The following IL1RAPL1 variants were observed in gnomAD, a reference collection of about 807,000 sequenced individuals.
IL1RAPL1 encodes the protein interleukin 1 receptor accessory protein like 1.
In IL1RAPL1, 3 loss-of-function variants were observed where a neutral mutation model predicts 48.4. That is an observed-to-expected ratio of 0.06 (90% CI 0.03 to 0.16). The LOEUF (loss-of-function observed/expected upper bound fraction) is 0.16, where lower values mean the gene tolerates loss of function less well. Ranked by LOEUF, IL1RAPL1 falls within the 10% of genes least tolerant of loss-of-function variation. The pLI is 1.00. For missense variants in IL1RAPL1, 349 were observed against 530.6 expected, an observed-to-expected ratio of 0.66 and a Z score of 3.36; for synonymous variants, 185 against 187.7, an observed-to-expected ratio of 0.99 and a Z score of 0.12.
At position 29,296,997 on chromosome X, in the gene IL1RAPL1, A is replaced by T. The variant is rs1932459525; in HGVS notation, c.362+13780A>T. On this transcript the variant is annotated intron_variant, in intron 3 of 10. Coordinates refer to ENST00000378993, the MANE Select transcript of IL1RAPL1 (RefSeq NM_014271.4). The stretch of plus-strand genomic sequence containing the variant: ...CAAAATCTGAGGTTATAAAATAAAG[A>T]CTTAAATGAGCATTTCACTGATTTC... Among the ~76,000 whole-genome samples the T allele has an allele frequency of 2.7e-5, 3 of 111,487 alleles. No homozygotes were observed. In the Admixed American group the frequency reaches 2.9e-4, roughly 11 times the overall value.
intron 2 of IL1RAPL1, chrX:28,942,141 G>A (rs1158693946): frequency 2.7e-5 from 3 of 109,681 alleles, no homozygotes; most frequent in Admixed American, 9.8e-5. Context: ...AATTGCCATC[G>A]GGAAGTACTG....
At chrX:28,913,103 C>G (rs1923399704) in intron 2 of IL1RAPL1, among the ~76,000 whole-genome samples, 1 of 111,389 alleles carries the variant, frequency 9.0e-6, no homozygotes, top group African/African-American at 3.3e-5. Context: ...ATGGGAGGTC[C>G]TAATGAGCAA....
intron 3 of IL1RAPL1, among the ~76,000 whole-genome samples, chrX:29,391,034 C>T (rs1016639603): frequency 7.2e-5 from 8 of 110,587 alleles, no homozygotes; most frequent in East Asian, 2.8e-4. Context: ...ATTAGCCTGG[C>T]GTGGTAGCAT....
At chrX:29,701,932 A>C (rs1036868915) in intron 6 of IL1RAPL1, among the ~76,000 whole-genome samples, 1 of 111,834 alleles carries the variant, frequency 8.9e-6, no homozygotes, top group Non-Finnish European at 1.9e-5. Context: ...TGTGAGCCAC[A>C]GGGAAAAAAA....
At chrX:29,080,404 TAAAAAC>T (rs1927775900) in intron 2 of IL1RAPL1, among the ~76,000 whole-genome samples, 1 of 108,997 alleles carries the variant, frequency 9.2e-6, no homozygotes, top group South Asian at 4.0e-4. Flanking sequence ...TAAACAAAAA[TAAAAAC>T]AAAAAAATAA....
At chrX:28,868,631 C>T (rs1381709621) in intron 2 of IL1RAPL1, among the ~76,000 whole-genome samples, 1 of 111,546 alleles carries the variant, frequency 9.0e-6, no homozygotes, top group Non-Finnish European at 1.9e-5. Flanking sequence ...GCAGGTCTGC[C>T]TTCTTACTGC....
At chrX:29,027,353 G>A (rs779994773) in intron 2 of IL1RAPL1, among the ~76,000 whole-genome samples, 5 of 111,466 alleles carry the variant, frequency 4.5e-5, no homozygotes, top group East Asian at 2.8e-4. Context: ...TTTTTTCCAC[G>A]TCTTTTCTTG....
intron 6 of IL1RAPL1, among the ~76,000 whole-genome samples, chrX:29,904,359 T>G (rs1014772365): frequency 2.9e-5 from 3 of 103,167 alleles, no homozygotes; most frequent in Non-Finnish European, 6.0e-5. Flanking sequence ...TTGCTGATTC[T>G]TTTTTTAATT....
intron 2 of IL1RAPL1, among the ~76,000 whole-genome samples, chrX:29,001,366 A>G (rs1023081531): frequency 8.9e-6 from 1 of 112,172 alleles, no homozygotes; most frequent in Admixed American, 9.5e-5. Context: ...CATAGAAGGT[A>G]GGAAATTACT....
chrX:29,875,999 A>G (rs771241116), intron 6 of IL1RAPL1, among the ~76,000 whole-genome samples: 2 of 111,247 alleles, frequency 1.8e-5, no homozygotes, highest in East Asian at 5.7e-4. Flanking sequence ...TGTTGTGAGA[A>G]TTAAATGACT....
chrX:29,683,950 A>ACT (rs1926540665), intron 6 of IL1RAPL1, among the ~76,000 whole-genome samples: 1 of 110,945 alleles, frequency 9.0e-6, no homozygotes, highest in Admixed American at 9.6e-5. Flanking sequence ...CTATTACAGC[A>ACT]TAACTGGGTT....
At chrX:28,972,296 A>G (rs1221881057) in intron 2 of IL1RAPL1, among the ~76,000 whole-genome samples, 1 of 111,988 alleles carries the variant, frequency 8.9e-6, no homozygotes, top group African/African-American at 3.2e-5. Context: ...GCTAGACATA[A>G]AACATGAGTA....
intron 6 of IL1RAPL1, among the ~76,000 whole-genome samples, chrX:29,746,606 ATTC>A (rs1381679028): frequency 9.0e-6 from 1 of 110,865 alleles, no homozygotes; most frequent in Non-Finnish European, 1.9e-5. Context: ...GAAAAAGCTC[ATTC>A]TTTTTTTTTT....
chrX:29,314,716 G>A lies in IL1RAPL1; in HGVS notation c.362+31499G>A, dbSNP rs147180699. On this transcript the variant is annotated intron_variant, in intron 3 of 10. Transcript: ENST00000378993. ...TGTTTTGAGGATTTAGTGAAATAAT[G>A]TGCATAAAGTCCTCAGCAGGATACC... Among the ~76,000 whole-genome samples, 197 of 112,293 alleles carry A rather than the reference G, an allele frequency of 1.8e-3. 2 individuals carry two copies. Among genetic ancestry groups the A allele is most frequent in the Admixed American group, 0.016 (169 of 10,605 alleles).
chrX:28,881,151 A>G lies in IL1RAPL1; in HGVS notation c.82+91726A>G, dbSNP rs184791756. ...GCAGTTTAAACCTAGGCTTCTACCTAGGATTTCTGACTAAATAATTTTGTT... is the reference window on the plus strand; with the variant it reads ...GCAGTTTAAACCTAGGCTTCTACCTGGGATTTCTGACTAAATAATTTTGTT... On this transcript the variant is annotated intron_variant, in intron 2 of 10. Transcript: ENST00000378993. 1.2e-3 allele frequency among the ~76,000 whole-genome samples: 135 copies of G among 111,560 alleles called. 1 individual carries two copies. Among genetic ancestry groups the G allele is most frequent in the African/African-American group, 4.2e-3 (128 of 30,753 alleles).
At chrX:28,818,310 C>T (rs1161449249) in intron 2 of IL1RAPL1, among the ~76,000 whole-genome samples, 1 of 110,524 alleles carries the variant, frequency 9.0e-6, no homozygotes, top group African/African-American at 3.3e-5. Context: ...TCATTTGGGA[C>T]AAACAAAGAT....
intron 2 of IL1RAPL1, among the ~76,000 whole-genome samples, chrX:29,171,585 C>T (rs1929909543): frequency 9.0e-6 from 1 of 111,414 alleles, no homozygotes; most frequent in South Asian, 3.7e-4. Context: ...CTTTATAAGG[C>T]AAAAGATATT....
At chrX:28,814,527 A>C (rs1477209291) in intron 2 of IL1RAPL1, among the ~76,000 whole-genome samples, 1 of 110,281 alleles carries the variant, frequency 9.1e-6, no homozygotes, top group African/African-American at 3.3e-5. Context: ...AGTATGGTAT[A>C]TCTTTCTTAA....
chrX:29,391,089 G>T (rs1170534762), intron 3 of IL1RAPL1, among the ~76,000 whole-genome samples: 2 of 109,651 alleles, frequency 1.8e-5, no homozygotes, highest in East Asian at 2.8e-4. Context: ...CTGGAGAATC[G>T]CTTGAACCCG....
Sources: gnomAD v4.1 joint callset for allele counts (sites outside exome capture counted in the v4.1 genomes callset) on GRCh38, gnomAD v4.1.1 for gene constraint, MANE v1.5 for transcripts, NCBI Gene and HGNC (gene_info 2026-07-23, HGNC 2026-07-21) for gene names.